Variants in RNF115 observed in about 807,000 individuals in gnomAD.
The protein encoded by RNF115 is ring finger protein 115, also known as E3 ubiquitin-protein ligase RNF115.
RNF115 carries 31 observed loss-of-function variants against 39.2 expected under a neutral mutation model. That is an observed-to-expected ratio of 0.79 (90% confidence interval 0.59 to 1.07). The LOEUF (loss-of-function observed/expected upper bound fraction) is 1.07, where lower values mean the gene tolerates loss of function less well. Among genes scored for constraint, RNF115 ranks in the 50% least tolerant of loss-of-function variants. RNF115 has a pLI of 0.00. For synonymous variants in RNF115, 124 were observed against 131.0 expected (o/e 0.95, Z 0.37); for missense variants, 384 against 381.7 (o/e 1.01, Z -0.05).
At chr1:145,779,608 G>A (rs1333938953) in intron 3 of RNF115, among the ~76,000 whole-genome samples, 1 of 152,108 alleles carries the variant, frequency 6.6e-6, no homozygotes, top group African/African-American at 2.4e-5. Context: ...CATGAGAAAT[G>A]AGAAGTATTT....
chr1:145,811,235 C>T (rs1465012992), intron 1 of RNF115, among the ~76,000 whole-genome samples: 3 of 151,502 alleles, frequency 2.0e-5, no homozygotes, highest in Non-Finnish European at 2.9e-5. Flanking sequence ...GAAAACTGTA[C>T]TTTGGGGCAG....
intron 1 of RNF115, 44 bp from the exon 2 acceptor site, chr1:145,789,010 A>G: frequency 8.2e-7 from 1 of 1,226,308 alleles, no homozygotes; most frequent in Non-Finnish European, 1.2e-6. Flanking sequence ...TTCATTAGAA[A>G]GCTACGTGGT....
intron 4 of RNF115, among the ~76,000 whole-genome samples, chr1:145,753,740 A>G (rs1658190340): frequency 6.6e-6 from 1 of 152,140 alleles, no homozygotes. Context: ...TTTTTGAGAC[A>G]GAGTCTCGCT....
chr1:145,748,223 A>G, intron 7 of RNF115, 113 bp from the exon 8 acceptor site: 1 of 713,762 alleles, frequency 1.4e-6, no homozygotes, highest in Non-Finnish European at 2.5e-6. Context: ...ACAAGAGACA[A>G]AAGAAAATGT....
intron 3 of RNF115, among the ~76,000 whole-genome samples, chr1:145,776,117 C>A (rs1647874236): frequency 6.7e-6 from 1 of 149,930 alleles, no homozygotes; most frequent in African/African-American, 2.4e-5. Flanking sequence ...CCAATTCAGA[C>A]TCCTACCAGA....
chr1:145,753,117 T>G, intron 4 of RNF115, 68 bp from the exon 5 acceptor site: 1 of 1,047,066 alleles, frequency 9.6e-7, no homozygotes, highest in Non-Finnish European at 1.5e-6. Flanking sequence ...TATCCATGGC[T>G]GCCTAATCAC....
intron 8 of RNF115, 110 bp from the exon 9 acceptor site, chr1:145,747,107 C>T (rs1657905547): frequency 8.7e-7 from 1 of 1,155,154 alleles, no homozygotes; most frequent in South Asian, 1.5e-5. Flanking sequence ...TGACATGGAA[C>T]AGAAAAACAA....
chr1:145,791,795 A>C (rs1389092726), intron 1 of RNF115, among the ~76,000 whole-genome samples: 1 of 152,264 alleles, frequency 6.6e-6, no homozygotes, highest in African/African-American at 2.4e-5. Context: ...CCTTATAATA[A>C]TTTTTTAAAG....
intron 2 of RNF115, 48 bp downstream of exon 2, chr1:145,788,858 AAT>A (rs782203494): frequency 7.6e-7 from 1 of 1,310,398 alleles, no homozygotes; most frequent in Non-Finnish European, 1.1e-6. Flanking sequence ...GCTGAGAGAA[AAT>A]AGTTTTGATA....
chr1:145,764,774 A>G (rs10910839), intron 4 of RNF115, among the ~76,000 whole-genome samples: 69,825 of 148,322 alleles, frequency 0.47, 16,542 homozygotes, highest in East Asian at 0.7. Context: ...GCCCCCGCCC[A>G]GCCAGCCGCC....
chr1:145,798,651 C>T (rs992183055), intron 1 of RNF115, among the ~76,000 whole-genome samples: 6 of 152,050 alleles, frequency 3.9e-5, no homozygotes, highest in African/African-American at 1.2e-4. Context: ...TTAGGGGTAA[C>T]GTGAGATTCC....
chr1:145,766,969 G>C (rs28404541), intron 4 of RNF115, among the ~76,000 whole-genome samples: 1 of 138,374 alleles, frequency 7.2e-6, no homozygotes, highest in Non-Finnish European at 1.5e-5. Context: ...CCTCCCGGTC[G>C]GGGTGGCTGG....
chr1:145,800,931 AG>A (rs779847256), intron 1 of RNF115, among the ~76,000 whole-genome samples: 301 of 152,206 alleles, frequency 2.0e-3, no homozygotes, highest in African/African-American at 3.6e-3. Flanking sequence ...GCACTTTGGG[AG>A]GGCCAAGGCG....
rs587650018 is a variant in RNF115, at chr1:145,807,095, A to G, written c.102+16677T>C. ...TAGAAGGTACCAATACAGTTACTGA[A>G]TAAATAAAAATGGACTGCTGTTACT... On this transcript the variant is annotated intron_variant, in intron 1 of 8. Transcript: ENST00000582693. Among the ~76,000 whole-genome samples the G allele has an allele frequency of 2.6e-5, 4 of 152,386 alleles. No homozygotes were observed. In the South Asian group the frequency reaches 8.3e-4, roughly 32 times the overall value.
chr1:145,822,737 G>C (rs1650334723), intron 1 of RNF115, among the ~76,000 whole-genome samples: 3 of 146,438 alleles, frequency 2.0e-5, no homozygotes, highest in Non-Finnish European at 4.4e-5. Context: ...TGTGATGCTG[G>C]TGCTGGCTAG....
intron 4 of RNF115, among the ~76,000 whole-genome samples, chr1:145,758,765 C>T (rs969564946): frequency 2.0e-5 from 3 of 152,186 alleles, no homozygotes; most frequent in African/African-American, 7.2e-5. Context: ...TGGCTACTTA[C>T]TCTCTGGAAG....
chr1:145,748,656 C>T (rs1342512449), intron 7 of RNF115, among the ~76,000 whole-genome samples: 2 of 151,924 alleles, frequency 1.3e-5, no homozygotes, highest in Admixed American at 1.3e-4. Flanking sequence ...AGGGTGAAGG[C>T]GGGTGGATCA....
chr1:145,775,768 G>C (rs1647856093), intron 3 of RNF115, among the ~76,000 whole-genome samples: 1 of 151,958 alleles, frequency 6.6e-6, no homozygotes, highest in Non-Finnish European at 1.5e-5. Context: ...TAAGGCGGTG[G>C]GGGGGATCAC....
intron 3 of RNF115, among the ~76,000 whole-genome samples, chr1:145,774,190 C>G (rs944812982): frequency 6.6e-6 from 1 of 152,128 alleles, no homozygotes; most frequent in African/African-American, 2.4e-5. Context: ...TGACATCACC[C>G]TGTCATTGTG....
Sources: allele counts gnomAD v4.1 joint callset (sites outside exome capture counted in the v4.1 genomes callset), GRCh38; gene constraint gnomAD v4.1.1; transcripts MANE v1.5; gene names NCBI Gene and HGNC (gene_info 2026-07-23, HGNC 2026-07-21).